Variants in AMOTL2 observed in about 807,000 individuals in gnomAD.
The protein encoded by AMOTL2 is angiomotin-like protein 2.
In AMOTL2, 33 loss-of-function variants were observed where a neutral mutation model predicts 78.4. The observed-to-expected ratio is 0.42, with a 90% CI of 0.32 to 0.56. The LOEUF is 0.56. AMOTL2 is among the 20% of genes least tolerant of loss of function. AMOTL2 has a pLI of 0.12. For synonymous variants in AMOTL2, 422 were observed against 428.8 expected, an observed-to-expected ratio of 0.98 and a Z score of 0.20; for missense variants, 983 against 1,030.1, an observed-to-expected ratio of 0.95 and a Z score of 0.63.
In AMOTL2 at chr3:134,371,002, G is replaced by A. The variant is rs367805943; in HGVS notation, c.432C>T (p.Asp144=). 1.3e-5 allele frequency: 21 copies of A among 1,603,192 alleles called. No homozygotes were observed. The highest frequency in any genetic ancestry group is 6.9e-5 in the Admixed American group (4 of 58,374). ...CATGCCTCAGCTCCCGCAGGGCCTC[G>A]TCCTGCCTCCGACTGCCTCCCGGGG... ...RGAPGGSRRQ[D]EALRELRHGH... is the part of the protein sequence containing the mutation. The change falls in exon 2 of 10, where the codon GAC becomes GAT. Residue 144 remains aspartate (D), a synonymous_variant. Coordinates refer to ENST00000249883, the MANE Select transcript of AMOTL2 (RefSeq NM_016201.4).
At chr3:134,362,399 A>C (rs980398553) in intron 5 of AMOTL2, among the ~76,000 whole-genome samples, 1 of 152,180 alleles carries the variant, frequency 6.6e-6, no homozygotes, top group African/African-American at 2.4e-5. Context: ...GGTGCTGCCA[A>C]ATGGAAACCC....
upstream of AMOTL2, chr3:134,374,869 T>C: frequency 3.2e-6 from 4 of 1,235,058 alleles, no homozygotes; most frequent in Non-Finnish European, 4.1e-6. Context: ...GTACCACGCG[T>C]GTCCTGGGGT....
At chr3:134,373,933 CAA>C in intron 1 of AMOTL2, 1 of 713,026 alleles carries the variant, frequency 1.4e-6, no homozygotes, top group Non-Finnish European at 1.7e-6. Context: ...TAGTTGGGGG[CAA>C]AGGCACCTGT....
Position 134,374,380 on chromosome 3 carries a change from C to T in AMOTL2, c.-100G>A, listed in dbSNP as rs1008752115. 4.1e-6 allele frequency: 4 copies of T among 984,678 alleles called. No homozygotes were observed. The highest frequency in any genetic ancestry group is 4.8e-6 in the Non-Finnish European group (4 of 829,784). 61.0% of individuals were successfully genotyped at this position (984,678 alleles called of 1,614,324 possible). Reference sequence around the variant, plus strand: ...GGGTGCCCAGCGCAGTCAGACACCACAACCTCCGGCTCGGCCCAGCTCAGC... The same window carrying T: ...GGGTGCCCAGCGCAGTCAGACACCATAACCTCCGGCTCGGCCCAGCTCAGC... On this transcript the variant is annotated 5_prime_UTR_variant, in exon 1 of 10. In the 5' UTR this introduces an upstream ATG that the reference lacks. Coordinates refer to ENST00000249883, the MANE Select transcript of AMOTL2 (RefSeq NM_016201.4).
chr3:134,362,221 G>A (rs1253729595), intron 5 of AMOTL2, among the ~76,000 whole-genome samples: 2 of 152,218 alleles, frequency 1.3e-5, no homozygotes, highest in Non-Finnish European at 2.9e-5. Flanking sequence ...ACTCAGGTAG[G>A]CTGTGACATG....
Position 134,357,689 on chromosome 3 carries a change from T to C in AMOTL2, c.*16A>G. ...GAGGGGAGAGAATGGCTCAGAGTCC[T>C]GAAGCACCACCTCCTTCAGATCAGT... is the stretch of plus-strand genomic sequence containing the variant. On this transcript the variant is annotated 3_prime_UTR_variant, in exon 10 of 10. Coordinates refer to ENST00000249883, the MANE Select transcript of AMOTL2 (RefSeq NM_016201.4). The C allele has an allele frequency of 6.2e-7, 1 of 1,613,894 alleles. No individual in the cohort carries two copies. Among genetic ancestry groups the C allele is most frequent in the Non-Finnish European group, 8.5e-7 (1 of 1,179,776 alleles).
chr3:134,360,011 A>T, intron 7 of AMOTL2, 95 bp downstream of exon 7: 1 of 1,352,318 alleles, frequency 7.4e-7, no homozygotes, highest in South Asian at 1.4e-5. Context: ...CTCTATGGGG[A>T]AAGGGGCCTG....
intron 6 of AMOTL2, among the ~76,000 whole-genome samples, 164 bp downstream of exon 6, chr3:134,361,348 A>C (rs149491288): frequency 1.3e-5 from 2 of 152,332 alleles, no homozygotes; most frequent in African/African-American, 2.4e-5. Flanking sequence ...GCAAAGGTGG[A>C]GCAGAGAGCA....
In AMOTL2 at chr3:134,358,578, A is replaced by T. The variant is rs140275013; in HGVS notation, c.2246T>A (p.Leu749His). 12 of 1,614,162 alleles carry T rather than the reference A, an allele frequency of 7.4e-6. No homozygotes were observed. The highest frequency in any genetic ancestry group is 1.0e-5 in the Non-Finnish European group (12 of 1,180,032). The change falls in exon 9 of 10, where the codon CTT becomes CAT. Residue 749 changes from leucine (L) to histidine (H), a missense_variant. Transcript: ENST00000249883. ...STCLPPEPDS[L>H]LGCSSSQRAA... ...TCTCTGGCTACTGCTGCACCCCAGA[A>T]GGCTGTCAGGCTCCGGTGGCAGGCA...
intron 5 of AMOTL2, 21 bp from the exon 6 acceptor site, chr3:134,361,828 G>C (rs768073955): frequency 1.3e-5 from 19 of 1,507,338 alleles, no homozygotes; most frequent in Admixed American, 4.1e-5. Context: ...AAAGAGGCTT[G>C]ATCAGTGACA....
intron 5 of AMOTL2, among the ~76,000 whole-genome samples, chr3:134,363,971 G>C (rs2017486117): frequency 6.6e-6 from 1 of 152,220 alleles, no homozygotes; most frequent in Non-Finnish European, 1.5e-5. Flanking sequence ...TGGGCCTGCG[G>C]GATCTCGGGA....
At chr3:134,365,974 A>G in intron 4 of AMOTL2, 65 bp from the exon 5 acceptor site, 1 of 1,519,658 alleles carries the variant, frequency 6.6e-7, no homozygotes, top group Non-Finnish European at 9.1e-7. Flanking sequence ...ATTTTTCCTG[A>G]CGTCCTATCA....
intron 6 of AMOTL2, among the ~76,000 whole-genome samples, chr3:134,361,166 A>G (rs1355524867): frequency 6.6e-6 from 1 of 151,240 alleles, no homozygotes; most frequent in Non-Finnish European, 1.5e-5. Flanking sequence ...ATGAGATTCC[A>G]TCTCAAAAAA....
chr3:134,361,261 G>A (rs931718436), intron 6 of AMOTL2, among the ~76,000 whole-genome samples: 1 of 152,190 alleles, frequency 6.6e-6, no homozygotes. Context: ...TGCTGCCGAG[G>A]ACAGGAGTCC....
chr3:134,374,928 CGTGTGTGTGT>C (rs1487307286), upstream of AMOTL2: 90 of 990,810 alleles, frequency 9.1e-5, no homozygotes, highest in Non-Finnish European at 1.1e-4. Context: ...TGTGTGTGTG[CGTGTGTGTGT>C]ACCGGGGGAG....
intron 8 of AMOTL2, 142 bp downstream of exon 8, chr3:134,359,141 G>C: frequency 3.4e-6 from 3 of 888,312 alleles, no homozygotes; most frequent in South Asian, 3.3e-5. Context: ...ACTAGAGGCA[G>C]AGAATAAGCC....
intron 9 of AMOTL2, among the ~76,000 whole-genome samples, chr3:134,358,202 C>T (rs889630371): frequency 3.3e-5 from 5 of 152,236 alleles, no homozygotes; most frequent in Middle Eastern, 3.2e-3. Context: ...GCATGACTTG[C>T]GAGCTCCATT....
Position 134,365,883 on chromosome 3 carries a change from G to C in AMOTL2, c.1213C>G (p.Leu405Val). The C allele has an allele frequency of 6.2e-7, 1 of 1,614,220 alleles. No individual in the cohort carries two copies. The highest frequency in any genetic ancestry group is 8.5e-7 in the Non-Finnish European group (1 of 1,180,020). The change falls in exon 5 of 10, where the codon CTG (leucine) becomes GTG (valine). Residue 405 changes from leucine (L) to valine (V), a missense_variant. Physicochemically the swap from Leu to Val is conservative, Grantham distance 32. Transcript: ENST00000249883. ...TGGGCCTCCTGTGTCTTGCTTGCCA[G>C]GCGGCGATTTGCAGATTCCAATCTC... ...RERLESANRR[L>V]ASKTQEAQAG... is the part of the protein sequence containing the mutation.
chr3:134,371,395 G>A lies in AMOTL2; in HGVS notation c.39C>T (p.His13=), dbSNP rs114656697. The change falls in exon 2 of 10, where the codon CAC becomes CAT. Residue 13 remains histidine (H), a synonymous_variant. Coordinates refer to ENST00000249883, the MANE Select transcript of AMOTL2 (RefSeq NM_016201.4). ...TLEDSSGTVL[H]RLIQEQLRYG... is the part of the protein sequence containing the mutation. ...AGCGCAGCTGCTCCTGGATGAGGCG[G>A]TGCAGGACTGTCCCCGAGGAGTCTT... The A allele has an allele frequency of 3.4e-4, 539 of 1,606,766 alleles. 3 individuals are homozygous for A. The African/African-American group carries it at 6.5e-3, about 19-fold the overall frequency.
Sources: allele counts gnomAD v4.1 joint callset (sites outside exome capture counted in the v4.1 genomes callset), GRCh38; gene constraint gnomAD v4.1.1; transcripts MANE v1.5; gene names NCBI Gene and HGNC (gene_info 2026-07-23, HGNC 2026-07-21).